MCM10: variants seen among roughly 807,000 people sequenced by gnomAD.
MCM10 encodes minichromosome maintenance 10 replication initiation factor, also known as protein MCM10 homolog.
Under a neutral mutation model 109.9 loss-of-function variants are expected in MCM10, and 91 were observed. The observed-to-expected ratio is 0.83, with a 90% CI of 0.70 to 0.99. The LOEUF (loss-of-function observed/expected upper bound fraction) is 0.99, where lower values mean the gene tolerates loss of function less well. Ranked by LOEUF, MCM10 falls within the 50% of genes least tolerant of loss-of-function variation. The pLI is 0.00. For missense variants in MCM10, 1,077 were observed against 1,061.2 expected (o/e 1.01, Z -0.21); for synonymous variants, 380 against 387.2 (o/e 0.98, Z 0.22).
chr10:13,165,059 T>C (rs1376678426), intron 2 of MCM10, among the ~76,000 whole-genome samples: 1 of 152,176 alleles, frequency 6.6e-6, no homozygotes, highest in African/African-American at 2.4e-5. Context: ...TGGACCCCCG[T>C]TGTCCCTGAG....
intron 10 of MCM10, 71 bp from the exon 11 acceptor site, chr10:13,191,228 A>G (rs916875425): frequency 1.0e-6 from 1 of 982,100 alleles, no homozygotes; most frequent in Admixed American, 1.8e-5. Context: ...GATGATATCT[A>G]TGCCTTCTTT....
intron 10 of MCM10, among the ~76,000 whole-genome samples, chr10:13,189,903 C>T (rs1051810393): frequency 7.9e-5 from 12 of 152,102 alleles, no homozygotes; most frequent in Admixed American, 7.9e-4. Flanking sequence ...TTTGGCTTCC[C>T]TGGGCCCCTT....
intron 8 of MCM10, 79 bp from the exon 9 acceptor site, chr10:13,186,085 A>G: frequency 1.2e-6 from 1 of 801,648 alleles, no homozygotes. Flanking sequence ...ATCAGCACCA[A>G]CCATTCTTTT....
chr10:13,202,842 G>A (rs575218030), intron 17 of MCM10, among the ~76,000 whole-genome samples: 48 of 152,080 alleles, frequency 3.2e-4, no homozygotes, highest in African/African-American at 1.1e-3. Context: ...ATTTTATTAT[G>A]TATTTATTTA....
chr10:13,162,620 C>T (rs1358248547), intron 1 of MCM10, among the ~76,000 whole-genome samples: 1 of 151,876 alleles, frequency 6.6e-6, no homozygotes, highest in East Asian at 1.9e-4. Flanking sequence ...GATTTGAGGG[C>T]GAGGGAGGGT....
chr10:13,171,847 C>T (rs1834078340), intron 3 of MCM10, among the ~76,000 whole-genome samples: 2 of 152,056 alleles, frequency 1.3e-5, no homozygotes, highest in South Asian at 4.2e-4. Context: ...TCACTGTAGC[C>T]TCCACCTCCC....
Position 13,180,606 on chromosome 10 carries a change from G to A in MCM10, c.929G>A (p.Ser310Asn). The change falls in exon 7 of 20, where the codon AGT (serine) becomes AAT (asparagine). Residue 310 changes from serine (S) to asparagine (N), a missense_variant and splice_region_variant. Ser to Asn is a conservative substitution (Grantham distance 46, BLOSUM62 1). Transcript: ENST00000378714. ...AAGGTTACGCCACAGAGTGTGAATA[G>A]TGTAAGCCATTGTATTGGTTTCTTA... ...LKKVTPQSVN[S>N]GKTFSIWKLN... 2 of 1,614,002 alleles carry A rather than the reference G, an allele frequency of 1.2e-6. No individual in the cohort carries two copies. Among genetic ancestry groups the A allele is most frequent in the Non-Finnish European group, 1.7e-6 (2 of 1,179,974 alleles).
intron 18 of MCM10, among the ~76,000 whole-genome samples, chr10:13,207,270 A>C (rs923144231): frequency 9.9e-5 from 15 of 152,224 alleles, no homozygotes; most frequent in African/African-American, 3.6e-4. Context: ...GGCTGTGTTC[A>C]AATAAAACTT....
chr10:13,197,639 A>G lies in MCM10; in HGVS notation c.1991A>G (p.Lys664Arg). 6 of 1,613,252 alleles carry G rather than the reference A, an allele frequency of 3.7e-6. No homozygotes were observed. The highest frequency in any genetic ancestry group is 5.1e-6 in the Non-Finnish European group (6 of 1,179,816). The change falls in exon 15 of 20, where the codon AAA becomes AGA. Residue 664 changes from lysine (K) to arginine (R), a missense_variant. Coordinates refer to ENST00000378714, the MANE Select transcript of MCM10 (RefSeq NM_018518.5). ...AEAKKLAAIT[K>R]LRAKGQVLTK... ...TTTTTCTAGTTAGCTGCTATCACCA[A>G]ATTAAGGGCAAAAGGCCAGGTTCTT...
rs373288717 is a variant in MCM10, at chr10:13,183,073, C to G, written c.1071C>G (p.Pro357=). The G allele has an allele frequency of 1.2e-6, 2 of 1,614,088 alleles. No individual in the cohort carries two copies. The highest frequency in any genetic ancestry group is 1.7e-6 in the Non-Finnish European group (2 of 1,180,004). The change falls in exon 8 of 20, where the codon CCC becomes CCG. Residue 357 remains proline, a synonymous_variant. Transcript: ENST00000378714. ...GTVVGILNAN[P]MKPKDGSEEV... ...TCGTAGGGATCCTCAATGCCAACCC[C>G]ATGAAGCCCAAGGATGGTTCAGAGG... is the stretch of plus-strand genomic sequence containing the variant.
intron 8 of MCM10, among the ~76,000 whole-genome samples, chr10:13,183,870 G>A (rs1336533702): frequency 2.6e-5 from 4 of 151,820 alleles, no homozygotes; most frequent in Non-Finnish European, 5.9e-5. Flanking sequence ...GTTTTTTTGT[G>A]TGTATGTGAT....
intron 5 of MCM10, 22 bp from the exon 6 acceptor site, chr10:13,175,488 A>C: frequency 6.2e-7 from 1 of 1,610,252 alleles, no homozygotes; most frequent in South Asian, 1.1e-5. Flanking sequence ...TTGCCTTTTC[A>C]TTAATTGTGT....
At chr10:13,200,326 G>A (rs550726913) in intron 16 of MCM10, among the ~76,000 whole-genome samples, 2 of 152,230 alleles carry the variant, frequency 1.3e-5, no homozygotes, top group Admixed American at 6.5e-5. Context: ...TGGTTGTGTC[G>A]GTGACTGTCA....
chr10:13,199,636 C>T (rs777844537), intron 16 of MCM10, among the ~76,000 whole-genome samples: 7 of 151,938 alleles, frequency 4.6e-5, no homozygotes, highest in Non-Finnish European at 1.0e-4. Context: ...AATAAATATC[C>T]TAATGCAAAT....
intron 17 of MCM10, 37 bp downstream of exon 17, chr10:13,201,571 C>A: frequency 6.8e-7 from 1 of 1,462,892 alleles, no homozygotes; most frequent in East Asian, 2.4e-5. Context: ...CCCATGGGCC[C>A]TGTGTGGTGC....
intron 2 of MCM10, among the ~76,000 whole-genome samples, chr10:13,170,673 G>GTTT (rs200325167): frequency 6.6e-6 from 1 of 151,164 alleles, no homozygotes; most frequent in African/African-American, 2.4e-5. Flanking sequence ...GTAGGTTTTT[G>GTTT]TTTTTTTTGT....
chr10:13,179,484 G>A (rs1172521556), intron 6 of MCM10, among the ~76,000 whole-genome samples: 1 of 152,146 alleles, frequency 6.6e-6, no homozygotes, highest in Non-Finnish European at 1.5e-5. Context: ...TCAGTGTTTT[G>A]CTTCCTGAAT....
chr10:13,207,743 C>T (rs1055133948), intron 18 of MCM10, among the ~76,000 whole-genome samples: 2 of 152,178 alleles, frequency 1.3e-5, no homozygotes, highest in Non-Finnish European at 1.5e-5. Context: ...CTTCGTCTTC[C>T]ACCATGATTG....
rs771456726 is a variant in MCM10 at position 13,191,447 on chromosome 10, C to A, written c.1516+48C>A. The A allele has an allele frequency of 3.4e-6, 5 of 1,471,446 alleles. No homozygotes were observed. In the African/African-American group the frequency reaches 7.0e-5, roughly 20 times the overall value. The allele number at this position is 1,471,446 out of a possible 1,614,324, so 91.1% of individuals were successfully genotyped here. A position where few individuals can be genotyped will look rare whatever the true frequency, so the allele number is the denominator to read the frequency against. ...AATTTCTTTCTCCAGTTTAATTATG[C>A]AGCCTTAGGGATAAAAGACTACACA... On this transcript the variant is annotated intron_variant, in intron 11 of 19. Transcript: ENST00000378714.
Sources: allele counts gnomAD v4.1 joint callset (sites outside exome capture counted in the v4.1 genomes callset), GRCh38; gene constraint gnomAD v4.1.1; transcripts MANE v1.5; gene names NCBI Gene and HGNC (gene_info 2026-07-23, HGNC 2026-07-21).